Variants in VPS13D observed in about 807,000 individuals in gnomAD.
The protein encoded by VPS13D is vacuolar protein sorting 13 homolog D, also known as intermembrane lipid transfer protein VPS13D.
In VPS13D, 187 loss-of-function variants were observed where a neutral mutation model predicts 461.9. The observed-to-expected ratio is 0.40, with a 90% CI of 0.36 to 0.46. The LOEUF (loss-of-function observed/expected upper bound fraction) is 0.46. Ranked by LOEUF, VPS13D falls within the 20% of genes least tolerant of loss-of-function variation. The pLI, the probability that VPS13D is intolerant of heterozygous loss-of-function variation, is 0.60. For missense variants in VPS13D, 4,711 were observed against 5,364.9 expected (o/e 0.88, Z 3.81); for synonymous variants, 1,951 against 1,986.3 (o/e 0.98, Z 0.47).
intron 42 of VPS13D, 75 bp from the exon 43 acceptor site, chr1:12,345,298 AT>A: frequency 4.0e-6 from 6 of 1,515,280 alleles, no homozygotes; most frequent in Non-Finnish European, 5.4e-6. Context: ...ACTAAATCAG[AT>A]TTGTGTCTTT....
intron 6 of VPS13D, among the ~76,000 whole-genome samples, chr1:12,250,231 G>A (rs1640691821): frequency 6.6e-6 from 1 of 151,882 alleles, no homozygotes; most frequent in Non-Finnish European, 1.5e-5. Flanking sequence ...TTAATCTCCA[G>A]CCCCATCACC....
intron 55 of VPS13D, among the ~76,000 whole-genome samples, chr1:12,377,403 G>A (rs1023403942): frequency 6.6e-5 from 10 of 152,004 alleles, no homozygotes; most frequent in Admixed American, 4.6e-4. Context: ...AATGTCTAGC[G>A]CATAGTAAGT....
chr1:12,386,984 A>G lies in VPS13D; in HGVS notation c.11634+650A>G, dbSNP rs193282518. 2.0e-5 allele frequency among the ~76,000 whole-genome samples: 3 copies of G among 152,328 alleles called. 1 individual carries two copies. Among genetic ancestry groups the G allele is most frequent in the African/African-American group, 7.2e-5 (3 of 41,576 alleles). ...TAGTTATAGGATGGTACACTTGGGCATAGAGAGCTGCACAGAAAAACTCTG... is the reference window on the plus strand; with the variant it reads ...TAGTTATAGGATGGTACACTTGGGCGTAGAGAGCTGCACAGAAAAACTCTG... On this transcript the variant is annotated intron_variant, in intron 60 of 69. Transcript: ENST00000620676.
chr1:12,251,189 CTG>C (rs917436041), intron 6 of VPS13D, among the ~76,000 whole-genome samples: 3 of 152,274 alleles, frequency 2.0e-5, no homozygotes, highest in African/African-American at 7.2e-5. Flanking sequence ...GCTGTTGACT[CTG>C]TGGCCCTTTA....
intron 65 of VPS13D, among the ~76,000 whole-genome samples, chr1:12,439,535 T>C (rs533799677): frequency 1.3e-5 from 2 of 152,254 alleles, no homozygotes; most frequent in Admixed American, 1.3e-4. Context: ...CTTTATACTA[T>C]TTATTTTCTG....
At chr1:12,373,095 GTTTTTTTTTTTTTTTT>G (rs571503565) in intron 54 of VPS13D, among the ~76,000 whole-genome samples, 4 of 37,240 alleles carry the variant, frequency 1.1e-4, no homozygotes, top group African/African-American at 2.0e-4. Context: ...GTCTGGCTTG[GTTTTTTTTTTTTTTTT>G]TTTTTTTTTT....
At chr1:12,451,086 A>G (rs2100380508) in intron 65 of VPS13D, among the ~76,000 whole-genome samples, 1 of 152,364 alleles carries the variant, frequency 6.6e-6, no homozygotes, top group Non-Finnish European at 1.5e-5. Flanking sequence ...AGATCATAAA[A>G]GGGTCAGGTA....
chr1:12,332,539 G>A (rs1020461172), intron 37 of VPS13D, among the ~76,000 whole-genome samples: 18 of 152,168 alleles, frequency 1.2e-4, no homozygotes, highest in African/African-American at 3.4e-4. Context: ...CTTAAGAAAG[G>A]TATATATGCT....
chr1:12,356,535 T>C lies in VPS13D; in HGVS notation c.9998+11T>C. 1 of 1,609,400 alleles carries C rather than the reference T, an allele frequency of 6.2e-7. No homozygotes were observed. The highest frequency in any genetic ancestry group is 1.1e-5 in the South Asian group (1 of 90,242). The stretch of plus-strand genomic sequence containing the variant: ...AGAGCAGCCAAACCTGTGAGTACAG[T>C]TATTTATGGGAAGGGGAAATAAGCT... On this transcript the variant is annotated intron_variant, in intron 49 of 69. Transcript: ENST00000620676.
At chr1:12,323,192 C>T (rs942715473) in intron 34 of VPS13D, among the ~76,000 whole-genome samples, 4 of 152,150 alleles carry the variant, frequency 2.6e-5, no homozygotes, top group African/African-American at 9.7e-5. Flanking sequence ...TCCTCAGCCT[C>T]CTGAGTAGCT....
intron 63 of VPS13D, among the ~76,000 whole-genome samples, chr1:12,410,613 A>G (rs956462445): frequency 1.3e-5 from 2 of 152,242 alleles, no homozygotes; most frequent in Admixed American, 6.5e-5. Flanking sequence ...TTAAAATACT[A>G]TGAAGGTATC....
Position 12,297,366 on chromosome 1 carries a change from A to G in VPS13D, c.6034-1836A>G, listed in dbSNP as rs970668630. On this transcript the variant is annotated intron_variant, in intron 24 of 69. Transcript: ENST00000620676. ...CCCAGAAGTATGATGCAGTTTTTCT[A>G]TGCCTTCCACTTTACATGTAACCTC... Among the ~76,000 whole-genome samples the G allele has an allele frequency of 7.2e-5, 11 of 152,322 alleles. No homozygotes were observed. In the East Asian group the frequency reaches 1.3e-3, roughly 19 times the overall value.
chr1:12,440,283 T>C (rs1368494722), intron 65 of VPS13D, among the ~76,000 whole-genome samples: 1 of 152,246 alleles, frequency 6.6e-6, no homozygotes, highest in Non-Finnish European at 1.5e-5. Flanking sequence ...CAGTATATGC[T>C]TTGGGGGTTT....
Position 12,343,041 on chromosome 1 carries a change from T to G in VPS13D, c.8875T>G (p.Leu2959Val). 6.2e-7 allele frequency: 1 copy of G among 1,612,550 alleles called. No individual in the cohort carries two copies. Among genetic ancestry groups the G allele is most frequent in the Non-Finnish European group, 8.5e-7 (1 of 1,178,880 alleles). Residue 2959 changes from leucine (L) to valine (V), a missense_variant, in exon 42 of 70, where the codon TTA becomes GTA. Leu to Val is a conservative substitution (Grantham distance 32). This residue lies in a region of VPS13D where 4,411 missense variants were observed against 4,937.8 expected (regional missense o/e 0.89). Transcript: ENST00000620676. ...CTTTGAATTTGAAGCAAGAGGAAAG[T>G]TAAGACACAGGTAAAGTATGGTTTA... is the stretch of plus-strand genomic sequence containing the variant. Reference protein sequence around the residue: ...IPFEFEARGKLRHRHTHDLRI... With the variant: ...IPFEFEARGKVRHRHTHDLRI...
intron 47 of VPS13D, 87 bp from the exon 48 acceptor site, chr1:12,355,812 T>C (rs1360498310): frequency 7.4e-7 from 1 of 1,350,164 alleles, no homozygotes; most frequent in Non-Finnish European, 9.8e-7. Flanking sequence ...TATTGGTTTT[T>C]CCAAAAGGAA....
intron 48 of VPS13D, 86 bp downstream of exon 48, chr1:12,356,176 T>C: frequency 2.0e-6 from 3 of 1,477,916 alleles, no homozygotes; most frequent in Admixed American, 2.2e-5. Context: ...ATGGAGCCAA[T>C]GCAAATAGAT....
chr1:12,310,476 A>G (rs189779896), intron 27 of VPS13D, among the ~76,000 whole-genome samples: 3 of 152,298 alleles, frequency 2.0e-5, no homozygotes, highest in African/African-American at 7.2e-5. Context: ...TATTGAGATG[A>G]GGTACAGATG....
rs190876819 is a variant in VPS13D, at chr1:12,371,262, A to G, written c.10808+1560A>G. On this transcript the variant is annotated intron_variant, in intron 54 of 69. Coordinates refer to ENST00000620676, the MANE Select transcript of VPS13D (RefSeq NM_015378.4). ...AACCACCCATCTGCTTTTGGTCTCT[A>G]TGGGTTGACCTATTCTGGACATTCA... is the stretch of plus-strand genomic sequence containing the variant. Among the ~76,000 whole-genome samples, 38 of 152,134 alleles carry G rather than the reference A, an allele frequency of 2.5e-4. No individual in the cohort carries two copies. In the East Asian group the frequency reaches 6.8e-3, roughly 27 times the overall value.
Position 12,507,375 on chromosome 1 carries a change from C to G in VPS13D, c.13035+282C>G, listed in dbSNP as rs773970688. 3 of 651,160 alleles carry G rather than the reference C, an allele frequency of 4.6e-6. No individual in the cohort carries two copies. Among genetic ancestry groups the G allele is most frequent in the Non-Finnish European group, 8.7e-6 (3 of 345,930 alleles). 40.3% of individuals were successfully genotyped at this position (651,160 alleles called of 1,614,324 possible). A position where few individuals can be genotyped will look rare whatever the true frequency, so the allele number is the denominator to read the frequency against. On this transcript the variant is annotated intron_variant, in intron 69 of 69. Coordinates refer to ENST00000620676, the MANE Select transcript of VPS13D (RefSeq NM_015378.4). The surrounding 1 kb of genome is among the most constrained non-coding windows in gnomAD (Gnocchi z 5.3). ...TGTAGTGAGGGTAACAATACTTACT[C>G]TCGTTGGTGATAAGGAACAGCTAAC...
Sources: gnomAD v4.1 joint callset for allele counts (sites outside exome capture counted in the v4.1 genomes callset) on GRCh38, gnomAD v4.1.1 for gene constraint, gnomAD v4.1.1 regional missense constraint, Gnocchi (gnomAD v3.1) non-coding constraint, MANE v1.5 for transcripts, NCBI Gene and HGNC (gene_info 2026-07-23, HGNC 2026-07-21) for gene names.